The following LAMA2 variants were observed in gnomAD, a reference collection of about 807,000 sequenced individuals.
LAMA2 encodes the protein laminin subunit alpha-2.
In LAMA2, 269 loss-of-function variants were observed where a neutral mutation model predicts 364.8. The ratio of observed to expected loss-of-function variants is 0.74; its 90% CI spans 0.67 to 0.82. LAMA2 has a LOEUF of 0.82. Ranked by LOEUF, LAMA2 falls within the 40% of genes least tolerant of loss-of-function variation. The pLI, the probability that LAMA2 is intolerant of heterozygous loss-of-function variation, is 0.00. For missense variants in LAMA2, 3,807 were observed against 3,873.2 expected, an observed-to-expected ratio of 0.98 and a Z score of 0.45; for synonymous variants, 1,379 against 1,370.6, an observed-to-expected ratio of 1.01 and a Z score of -0.14.
At chr6:129,235,201 A>G (rs1159616206) in intron 12 of LAMA2, among the ~76,000 whole-genome samples, 2 of 152,212 alleles carry the variant, frequency 1.3e-5, no homozygotes, top group African/African-American at 4.8e-5. Flanking sequence ...AATAAACATT[A>G]GGTATTTCAG....
At chr6:129,059,695 A>C in intron 2 of LAMA2, 89 bp from the exon 3 acceptor site, 3 of 779,482 alleles carry the variant, frequency 3.8e-6, no homozygotes, top group Non-Finnish European at 6.7e-6. Flanking sequence ...TGGTTGTTTT[A>C]ACCATTTTTT....
chr6:129,398,988 G>A (rs776361630), intron 37 of LAMA2, among the ~76,000 whole-genome samples: 1 of 152,160 alleles, frequency 6.6e-6, no homozygotes, highest in Non-Finnish European at 1.5e-5. Context: ...TATGTTGCAT[G>A]ATATTGCATA....
intron 3 of LAMA2, among the ~76,000 whole-genome samples, chr6:129,090,034 T>G (rs1239535953): frequency 6.6e-6 from 1 of 152,206 alleles, no homozygotes. Flanking sequence ...AAATGTTTGC[T>G]CCGTAAGAGC....
intron 9 of LAMA2, among the ~76,000 whole-genome samples, chr6:129,171,184 A>C (rs1283703437): frequency 2.6e-5 from 4 of 151,756 alleles, no homozygotes; most frequent in Non-Finnish European, 5.9e-5. Flanking sequence ...ATTTAAAGTT[A>C]ATATTGTTAT....
intron 1 of LAMA2, among the ~76,000 whole-genome samples, chr6:128,981,562 C>G (rs185861830): frequency 7.5e-6 from 1 of 133,630 alleles, no homozygotes; most frequent in Non-Finnish European, 1.6e-5. Context: ...GGGCAATATG[C>G]GAAACCCCAT....
intron 4 of LAMA2, among the ~76,000 whole-genome samples, chr6:129,104,027 T>A (rs1017126173): frequency 1.3e-5 from 2 of 152,104 alleles, no homozygotes; most frequent in Non-Finnish European, 2.9e-5. Context: ...CCTTCCTTTT[T>A]TTTCTTTCTT....
chr6:129,129,942 A>AAC (rs1777369673), intron 4 of LAMA2, among the ~76,000 whole-genome samples: 1 of 151,752 alleles, frequency 6.6e-6, no homozygotes, highest in Non-Finnish European at 1.5e-5. Context: ...AAAAAAAAAA[A>AAC]ATAACATATT....
intron 46 of LAMA2, 148 bp downstream of exon 46, chr6:129,453,279 C>T (rs1782781935): frequency 2.7e-6 from 2 of 738,970 alleles, no homozygotes; most frequent in Admixed American, 4.6e-5. Flanking sequence ...TCTTACCTTA[C>T]AAAATTCTGA....
intron 63 of LAMA2, 62 bp from the exon 64 acceptor site, chr6:129,514,311 T>G (rs1163273471): frequency 8.6e-7 from 1 of 1,158,352 alleles, no homozygotes; most frequent in African/African-American, 1.5e-5. Context: ...TTTGTATGTG[T>G]GAACCATCAT....
At chr6:129,147,382 A>G (rs1390899866) in intron 6 of LAMA2, among the ~76,000 whole-genome samples, 2 of 150,636 alleles carry the variant, frequency 1.3e-5, no homozygotes, top group Non-Finnish European at 2.9e-5. Flanking sequence ...CAACCTGACC[A>G]TTTCTTTTAA....
chr6:129,401,160 G>A, intron 37 of LAMA2, 64 bp from the exon 38 acceptor site: 4 of 1,007,452 alleles, frequency 4.0e-6, no homozygotes, highest in Non-Finnish European at 6.4e-6. Flanking sequence ...AGGAAAGTCA[G>A]GAATACAAGG....
intron 38 of LAMA2, among the ~76,000 whole-genome samples, chr6:129,401,566 A>G (rs558132395): frequency 2.0e-4 from 31 of 152,350 alleles, no homozygotes; most frequent in Admixed American, 2.0e-3. Context: ...ACATTCACAC[A>G]TATCTGTTTT....
intron 12 of LAMA2, among the ~76,000 whole-genome samples, chr6:129,237,130 G>A (rs1785048624): frequency 6.6e-6 from 1 of 152,082 alleles, no homozygotes; most frequent in Admixed American, 6.5e-5. Flanking sequence ...ACCACATAAG[G>A]TTGTGTGTGG....
intron 29 of LAMA2, 124 bp from the exon 30 acceptor site, chr6:129,342,219 G>A (rs1776305650): frequency 2.8e-6 from 2 of 722,718 alleles, no homozygotes. Flanking sequence ...GTGTGTGTGA[G>A]TGTGTGTGTG....
At chr6:129,144,876 TG>T (rs1014411705) in intron 5 of LAMA2, among the ~76,000 whole-genome samples, 2 of 151,978 alleles carry the variant, frequency 1.3e-5, no homozygotes, top group Non-Finnish European at 2.9e-5. Flanking sequence ...CAGGAATTTG[TG>T]GGATTACAAG....
At chr6:129,297,269 A>C (rs1474556512) in intron 20 of LAMA2, among the ~76,000 whole-genome samples, 1 of 152,222 alleles carries the variant, frequency 6.6e-6, no homozygotes, top group Non-Finnish European at 1.5e-5. Flanking sequence ...TAATGTTGAA[A>C]GTATTTTTAC....
intron 12 of LAMA2, among the ~76,000 whole-genome samples, chr6:129,208,796 GAATA>G (rs1484119811): frequency 7.2e-5 from 11 of 151,906 alleles, no homozygotes; most frequent in Admixed American, 6.6e-5. Context: ...ACAATGGAAA[GAATA>G]AAGAAATAAA....
At chr6:129,321,279 A>G (rs1288126565) in intron 28 of LAMA2, among the ~76,000 whole-genome samples, 1 of 152,218 alleles carries the variant, frequency 6.6e-6, no homozygotes, top group Non-Finnish European at 1.5e-5. Flanking sequence ...TAATAGGAAC[A>G]GTACGACTTA....
chr6:129,447,564 T>C (rs1045750488), intron 45 of LAMA2, among the ~76,000 whole-genome samples: 3 of 152,214 alleles, frequency 2.0e-5, no homozygotes, highest in African/African-American at 4.8e-5. Flanking sequence ...CAATAATCAG[T>C]TAAGCAATTT....
Sources: allele counts gnomAD v4.1 joint callset (sites outside exome capture counted in the v4.1 genomes callset), GRCh38; gene constraint gnomAD v4.1.1; transcripts MANE v1.5; gene names NCBI Gene and HGNC (gene_info 2026-07-23, HGNC 2026-07-21).